Variants in FRMD6 observed in about 807,000 individuals in gnomAD.
The protein encoded by FRMD6 is FERM domain containing 6.
A neutral mutation model predicts 73.2 loss-of-function variants in FRMD6; 37 were observed. The ratio of observed to expected loss-of-function variants is 0.51; its 90% CI spans 0.39 to 0.66. FRMD6 has a LOEUF of 0.66. FRMD6 is among the 30% of genes least tolerant of loss of function. The probability of loss-of-function intolerance (pLI) is 0.00; values close to 1 mark genes in which losing one functional copy is unlikely to be tolerated. For missense variants in FRMD6, 714 were observed against 780.5 expected (o/e 0.91, Z 1.02); for synonymous variants, 273 against 282.2 (o/e 0.97, Z 0.33).
chr14:51,660,697 A>G (rs1306680904), intron 1 of FRMD6, among the ~76,000 whole-genome samples: 1 of 151,582 alleles, frequency 6.6e-6, no homozygotes, highest in African/African-American at 2.4e-5. Context: ...GTGTTGTAGT[A>G]TTTTGGAAGG....
chr14:51,707,497 CA>C (rs1239605200), intron 6 of FRMD6, among the ~76,000 whole-genome samples: 1 of 152,116 alleles, frequency 6.6e-6, no homozygotes, highest in African/African-American at 2.4e-5. Flanking sequence ...AAATCTAAGT[CA>C]CAGTGAATCA....
In FRMD6 at chr14:51,500,434, G is replaced by A. The variant is rs558438784; in HGVS notation, c.-210+11014G>A. Among the ~76,000 whole-genome samples, 5 of 152,232 alleles carry A rather than the reference G, an allele frequency of 3.3e-5. No individual in the cohort carries two copies. In the South Asian group the frequency reaches 1.0e-3, roughly 32 times the overall value. ...CCCAGCTACTCAGGAGGCTGAGGCA[G>A]GACAATCGCTTGAACCCTGGAAGCG... On this transcript the variant is annotated intron_variant, in intron 1 of 14. Coordinates refer to the FRMD6 transcript ENST00000356218.
intron 8 of FRMD6, 123 bp from the exon 9 acceptor site, chr14:51,712,360 G>A: frequency 1.5e-6 from 1 of 654,468 alleles, no homozygotes; most frequent in Non-Finnish European, 2.7e-6. Context: ...TTTCTCCAAA[G>A]AGATGTGGGG....
intron 1 of FRMD6, among the ~76,000 whole-genome samples, chr14:51,689,309 A>G (rs774990512): frequency 7.2e-5 from 11 of 152,234 alleles, no homozygotes; most frequent in Non-Finnish European, 1.3e-4. Flanking sequence ...GATAGTTATG[A>G]AAAAGAACGA....
chr14:51,545,412 G>T (rs1424306248), intron 1 of FRMD6, among the ~76,000 whole-genome samples: 2 of 152,052 alleles, frequency 1.3e-5, no homozygotes, highest in Admixed American at 1.3e-4. Context: ...TCTGTCTTCC[G>T]ATTTAGTTTC....
At chr14:51,508,931 A>G (rs1318268978) in intron 1 of FRMD6, among the ~76,000 whole-genome samples, 2 of 152,144 alleles carry the variant, frequency 1.3e-5, no homozygotes, top group Non-Finnish European at 2.9e-5. Flanking sequence ...TCAAAAGCCA[A>G]TGGAGTCCAA....
chr14:51,450,968 A>T, the FRMD6 span, among the ~76,000 whole-genome samples: 1 of 152,202 alleles, frequency 6.6e-6, no homozygotes, highest in Non-Finnish European at 1.5e-5. Context: ...TGATTTGGGT[A>T]ACAGCTAACC....
chr14:51,550,831 GC>G (rs1596580677), intron 1 of FRMD6, among the ~76,000 whole-genome samples: 1 of 152,158 alleles, frequency 6.6e-6, no homozygotes, highest in African/African-American at 2.4e-5. Flanking sequence ...GCCTCTCTGA[GC>G]CTGTTTCCTC....
chr14:51,691,952 T>G (rs1370748729), intron 2 of FRMD6, among the ~76,000 whole-genome samples: 1 of 102,184 alleles, frequency 9.8e-6, no homozygotes, highest in Non-Finnish European at 2.1e-5. Context: ...AATATTATGC[T>G]GAAATATATG....
chr14:51,606,762 G>A (rs1046292637), intron 2 of FRMD6, among the ~76,000 whole-genome samples: 3 of 152,130 alleles, frequency 2.0e-5, no homozygotes, highest in African/African-American at 7.2e-5. Context: ...CCATACACAA[G>A]CTGGAGACTC....
chr14:51,565,991 C>G (rs903312396), intron 1 of FRMD6, among the ~76,000 whole-genome samples: 6 of 152,092 alleles, frequency 3.9e-5, no homozygotes, highest in Non-Finnish European at 8.8e-5. Context: ...GGTGAAACCC[C>G]GTCTCTACTA....
intron 1 of FRMD6, among the ~76,000 whole-genome samples, chr14:51,508,298 C>T (rs1037099526): frequency 1.3e-5 from 2 of 152,266 alleles, no homozygotes; most frequent in East Asian, 1.9e-4. Context: ...CAGAGGCCGG[C>T]ACTGGCAGCA....
chr14:51,712,002 G>A (rs1284454555), intron 8 of FRMD6, among the ~76,000 whole-genome samples: 6 of 152,090 alleles, frequency 3.9e-5, no homozygotes, highest in Non-Finnish European at 5.9e-5. Context: ...TTTAATTTCC[G>A]TTATACTTTA....
At chr14:51,513,619 C>G (rs1257938731) in intron 1 of FRMD6, among the ~76,000 whole-genome samples, 1 of 52,514 alleles carries the variant, frequency 1.9e-5, no homozygotes, top group Non-Finnish European at 3.5e-5. Flanking sequence ...TCCTGAATCT[C>G]TACATTTTTT....
intron 1 of FRMD6, among the ~76,000 whole-genome samples, chr14:51,672,353 C>G (rs1221349375): frequency 1.3e-5 from 2 of 152,198 alleles, no homozygotes; most frequent in African/African-American, 4.8e-5. Flanking sequence ...TGCTCCTGCT[C>G]AATACCTCTC....
intron 12 of FRMD6, 151 bp from the exon 13 acceptor site, chr14:51,725,628 T>A: frequency 3.4e-6 from 2 of 595,820 alleles, no homozygotes; most frequent in Non-Finnish European, 3.1e-6. Flanking sequence ...TGTGCTGTTC[T>A]GGTTGTCTGC....
chr14:51,667,772 G>C (rs969797658), intron 1 of FRMD6, among the ~76,000 whole-genome samples: 1 of 152,128 alleles, frequency 6.6e-6, no homozygotes, highest in Admixed American at 6.5e-5. Flanking sequence ...TTTAATAAAT[G>C]TTATCTCATC....
chr14:51,506,193 A>G (rs1282366440), intron 1 of FRMD6, among the ~76,000 whole-genome samples: 1 of 152,112 alleles, frequency 6.6e-6, no homozygotes, highest in African/African-American at 2.4e-5. Context: ...ATTCCATCAG[A>G]TCTAGCCTTC....
rs534782151 is a variant in FRMD6 at position 51,493,908 on chromosome 14, G to A, written c.-210+4488G>A. ...TTTATTTCTCACAGTTCTAAAGGCT[G>A]GAAAGTCCAAGAACAAGGTGCCAGC... On this transcript the variant is annotated intron_variant, in intron 1 of 14. Transcript: ENST00000356218. 5.9e-5 allele frequency among the ~76,000 whole-genome samples: 9 copies of A among 152,284 alleles called. No individual in the cohort carries two copies. The South Asian group carries it at 6.2e-4, about 11-fold the overall frequency.
Sources: gnomAD v4.1 joint callset for allele counts (sites outside exome capture counted in the v4.1 genomes callset) on GRCh38, gnomAD v4.1.1 for gene constraint, MANE v1.5 for transcripts, NCBI Gene and HGNC (gene_info 2026-07-23, HGNC 2026-07-21) for gene names.